The following TTC28 variants were observed in gnomAD, a reference collection of about 807,000 sequenced individuals.
TTC28 encodes the protein tetratricopeptide repeat domain 28, also known as tetratricopeptide repeat protein 28.
A neutral mutation model predicts 198.0 loss-of-function variants in TTC28; 61 were observed. The observed-to-expected ratio is 0.31, with a 90% CI of 0.25 to 0.38. The LOEUF (loss-of-function observed/expected upper bound fraction) is 0.38, where lower values mean the gene tolerates loss of function less well. Among genes scored for constraint, TTC28 ranks in the 10% least tolerant of loss-of-function variants. The probability of loss-of-function intolerance (pLI) is 1.00; values close to 1 mark genes in which losing one functional copy is unlikely to be tolerated. For synonymous variants in TTC28, 1,171 were observed against 1,297.8 expected (o/e 0.90, Z 2.10); for missense variants, 2,678 against 3,164.0 (o/e 0.85, Z 3.69).
chr22:28,657,382 A>G (rs2051676161), intron 1 of TTC28, among the ~76,000 whole-genome samples: 1 of 152,214 alleles, frequency 6.6e-6, no homozygotes, highest in South Asian at 2.1e-4. Context: ...ACTCTCACAG[A>G]TGGAGGTATT....
At chr22:28,404,837 T>A (rs2046975442) in intron 2 of TTC28, among the ~76,000 whole-genome samples, 1 of 152,044 alleles carries the variant, frequency 6.6e-6, no homozygotes, top group South Asian at 2.1e-4. Flanking sequence ...CCAGAAAAGG[T>A]GGGAGACAGC....
chr22:28,588,385 C>G (rs2050359158), intron 2 of TTC28, among the ~76,000 whole-genome samples: 1 of 152,154 alleles, frequency 6.6e-6, no homozygotes, highest in South Asian at 2.1e-4. Flanking sequence ...TACTCCCACC[C>G]TTACAACAAG....
intron 2 of TTC28, among the ~76,000 whole-genome samples, chr22:28,442,242 GAC>G (rs1440047243): frequency 6.6e-6 from 1 of 152,094 alleles, no homozygotes; most frequent in Admixed American, 6.5e-5. Context: ...GACACGCACA[GAC>G]ACACGCCCGT....
chr22:28,290,583 C>G (rs2044768786), intron 5 of TTC28, among the ~76,000 whole-genome samples: 1 of 152,118 alleles, frequency 6.6e-6, no homozygotes, highest in Non-Finnish European at 1.5e-5. Context: ...GATGAACACC[C>G]TTCCTACATA....
chr22:28,134,670 C>T (rs1009424761), intron 6 of TTC28, among the ~76,000 whole-genome samples: 5 of 152,142 alleles, frequency 3.3e-5, no homozygotes, highest in African/African-American at 4.8e-5. Context: ...AAGAAATGAA[C>T]GAAGCCTCTA....
intron 2 of TTC28, among the ~76,000 whole-genome samples, chr22:28,417,055 A>G (rs2047176800): frequency 6.6e-6 from 1 of 152,114 alleles, no homozygotes; most frequent in African/African-American, 2.4e-5. Context: ...CACAATTCCA[A>G]TGAGAAGTAT....
chr22:28,305,809 A>C (rs2045133137), intron 3 of TTC28, among the ~76,000 whole-genome samples: 1 of 152,134 alleles, frequency 6.6e-6, no homozygotes, highest in Non-Finnish European at 1.5e-5. Flanking sequence ...AAAAATCAAC[A>C]TTCCTCAAAA....
intron 2 of TTC28, among the ~76,000 whole-genome samples, chr22:28,538,550 CTT>C (rs2049343195): frequency 3.4e-5 from 5 of 145,264 alleles, no homozygotes; most frequent in African/African-American, 1.0e-4. Context: ...CCTTTAGCAC[CTT>C]TCTCTTTTTT....
chr22:28,015,224 T>C (rs1334018235), intron 13 of TTC28, among the ~76,000 whole-genome samples: 1 of 152,102 alleles, frequency 6.6e-6, no homozygotes, highest in Non-Finnish European at 1.5e-5. Flanking sequence ...GCAGAAGAGA[T>C]ACAGGAAGGG....
intron 2 of TTC28, among the ~76,000 whole-genome samples, chr22:28,455,529 C>T (rs1258785090): frequency 1.3e-5 from 2 of 151,838 alleles, no homozygotes. Flanking sequence ...GCCTGGCCAA[C>T]ATAGTGAAAT....
At chr22:28,108,907 C>T (rs1335475773) in intron 6 of TTC28, among the ~76,000 whole-genome samples, 1 of 152,178 alleles carries the variant, frequency 6.6e-6, no homozygotes, top group Non-Finnish European at 1.5e-5. Context: ...CCTGAAGTAC[C>T]ATGTTGCTTT....
intron 12 of TTC28, among the ~76,000 whole-genome samples, chr22:28,074,810 G>A (rs912534566): frequency 3.1e-4 from 47 of 152,164 alleles, no homozygotes; most frequent in African/African-American, 1.1e-3. Flanking sequence ...TTTTAAAAAA[G>A]GTCATGAGGC....
At chr22:28,072,897 G>A (rs1941046083) in intron 12 of TTC28, among the ~76,000 whole-genome samples, 1 of 152,188 alleles carries the variant, frequency 6.6e-6, no homozygotes, top group South Asian at 2.1e-4. Context: ...GTCCTTCTCT[G>A]GGGCTGATGT....
intron 5 of TTC28, among the ~76,000 whole-genome samples, chr22:28,266,812 A>C (rs1339364524): frequency 1.3e-5 from 2 of 152,220 alleles, no homozygotes; most frequent in African/African-American, 4.8e-5. Context: ...TTTGTCACAG[A>C]GCATTATTAT....
At chr22:28,338,743 A>AT (rs1320740185) in intron 2 of TTC28, among the ~76,000 whole-genome samples, 1 of 151,664 alleles carries the variant, frequency 6.6e-6, no homozygotes, top group Admixed American at 6.6e-5. Context: ...CATTTGTCTA[A>AT]TTTTTTTTCA....
chr22:28,571,132 T>G (rs1411109993), intron 2 of TTC28, among the ~76,000 whole-genome samples: 3 of 152,192 alleles, frequency 2.0e-5, no homozygotes, highest in African/African-American at 7.2e-5. Context: ...AAAATACATT[T>G]ATGCCTATTC....
intron 2 of TTC28, among the ~76,000 whole-genome samples, chr22:28,466,780 C>T (rs9625478): frequency 0.069 from 10,507 of 151,504 alleles, 531 homozygotes; most frequent in Non-Finnish European, 0.096. Flanking sequence ...TTATTTTTCT[C>T]CACTTCCCAT....
In TTC28 at chr22:28,141,965, T is replaced by C. The variant is rs140638816; in HGVS notation, c.1441+21127A>G. Among the ~76,000 whole-genome samples, 8 of 152,354 alleles carry C rather than the reference T, an allele frequency of 5.3e-5. No individual in the cohort carries two copies. The East Asian group carries it at 1.5e-3, about 29-fold the overall frequency. Reference sequence around the variant, plus strand: ...TAATTTTTGGTCATTTAAATAATTTTGCATTTAATGTAGGCTCTACTTCCA... The same window carrying C: ...TAATTTTTGGTCATTTAAATAATTTCGCATTTAATGTAGGCTCTACTTCCA... On this transcript the variant is annotated intron_variant, in intron 6 of 22. Transcript: ENST00000397906.
At chr22:28,637,974 A>C (rs1279638076) in intron 1 of TTC28, among the ~76,000 whole-genome samples, 1 of 152,244 alleles carries the variant, frequency 6.6e-6, no homozygotes, top group Non-Finnish European at 1.5e-5. Context: ...ATAATTGTTT[A>C]ATTATAAAAA....
Sources: allele counts gnomAD v4.1 joint callset (sites outside exome capture counted in the v4.1 genomes callset), GRCh38; gene constraint gnomAD v4.1.1; transcripts MANE v1.5; gene names NCBI Gene and HGNC (gene_info 2026-07-23, HGNC 2026-07-21).